The following SIRPB2 variants were observed in gnomAD, a reference collection of about 807,000 sequenced individuals.
SIRPB2 encodes signal regulatory protein beta 2, also known as signal-regulatory protein beta-2.
Under a neutral mutation model 27.1 loss-of-function variants are expected in SIRPB2, and 18 were observed. That is an observed-to-expected ratio of 0.66 (90% CI 0.46 to 0.98). The LOEUF (loss-of-function observed/expected upper bound fraction) is 0.98, where lower values mean the gene tolerates loss of function less well. Among genes scored for constraint, SIRPB2 ranks in the 50% least tolerant of loss-of-function variants. The pLI, the probability that SIRPB2 is intolerant of heterozygous loss-of-function variation, is 0.00. For synonymous variants in SIRPB2, 150 were observed against 164.6 expected, an observed-to-expected ratio of 0.91 and a Z score of 0.68; for missense variants, 420 against 417.4, an observed-to-expected ratio of 1.01 and a Z score of -0.06.
At chr20:1,476,589 T>C (rs1464548200) in intron 4 of SIRPB2, 1 of 483,016 alleles carries the variant, frequency 2.1e-6, no homozygotes, top group Admixed American at 6.4e-5. Flanking sequence ...CCTAATTGCC[T>C]AATGCAATCC....
intron 1 of SIRPB2, among the ~76,000 whole-genome samples, chr20:1,485,350 A>G (rs2090714446): frequency 1.3e-5 from 2 of 152,194 alleles, no homozygotes; most frequent in South Asian, 2.1e-4. Flanking sequence ...TATTACATGA[A>G]CCCCATAAAT....
At chr20:1,483,677 A>G (rs2090695917) in intron 1 of SIRPB2, among the ~76,000 whole-genome samples, 1 of 152,140 alleles carries the variant, frequency 6.6e-6, no homozygotes, top group African/African-American at 2.4e-5. Context: ...TCAAATGGGT[A>G]CTTTGTGAAT....
intron 1 of SIRPB2, among the ~76,000 whole-genome samples, chr20:1,486,875 C>T (rs2090732435): frequency 6.6e-6 from 1 of 152,138 alleles, no homozygotes; most frequent in Admixed American, 6.5e-5. Flanking sequence ...ACAACTCTAT[C>T]AAGCTTAGTG....
chr20:1,479,445 G>C, intron 2 of SIRPB2: 1 of 540,382 alleles, frequency 1.9e-6, no homozygotes, highest in Non-Finnish European at 3.3e-6. Context: ...GAAGAGTTGG[G>C]ACTGGGCTTC....
rs1362069979 is a variant in SIRPB2, at chr20:1,478,555, C to T, written c.504G>A (p.Val168=). 3 of 1,608,964 alleles carry T rather than the reference C, an allele frequency of 1.9e-6. No individual in the cohort carries two copies. The highest frequency in any genetic ancestry group is 2.7e-5 in the African/African-American group (2 of 74,792). ...AGACAGTGTCTCCAGTGGTCCCCAA[C>T]ACCAATTCCTGGGGCTGGATGATCC... ...DLWIIQPQEL[V]LGTTGDTVFL... The change falls in exon 3 of 5, where the codon GTG becomes GTA. Residue 168 remains valine (V), a synonymous_variant. Coordinates refer to ENST00000359801, the MANE Select transcript of SIRPB2 (RefSeq NM_001122962.2).
intron 1 of SIRPB2, among the ~76,000 whole-genome samples, chr20:1,490,878 A>G (rs2090770472): frequency 6.6e-6 from 1 of 152,156 alleles, no homozygotes; most frequent in African/African-American, 2.4e-5. Flanking sequence ...TTCATTTTGC[A>G]GTGGGTCTCA....
downstream of SIRPB2, among the ~76,000 whole-genome samples, chr20:1,472,247 C>T (rs2090582996): frequency 6.6e-6 from 1 of 152,190 alleles, no homozygotes; most frequent in Non-Finnish European, 1.5e-5. Context: ...CCATCCATTC[C>T]CCACCCTTTC....
At chr20:1,490,047 C>T (rs2090763697) in intron 1 of SIRPB2, among the ~76,000 whole-genome samples, 1 of 152,164 alleles carries the variant, frequency 6.6e-6, no homozygotes. Flanking sequence ...TAAGCAACTT[C>T]TCTTATTTTC....
chr20:1,476,989 GGGGCTCCATCCAGGA>G, intron 4 of SIRPB2: 4 of 1,239,616 alleles, frequency 3.2e-6, no homozygotes, highest in Non-Finnish European at 4.1e-6. Context: ...ACACTAGGAA[GGGGCTCCATCCAGGA>G]GGCTTAGCTA....
At chr20:1,485,653 C>CAGCA (rs1555799540) in intron 1 of SIRPB2, among the ~76,000 whole-genome samples, 2 of 147,086 alleles carry the variant, frequency 1.4e-5, no homozygotes, top group African/African-American at 5.0e-5. Flanking sequence ...CACACACACA[C>CAGCA]CACACACACA....
At chr20:1,473,594 T>C (rs1218305725), downstream of SIRPB2, among the ~76,000 whole-genome samples, 1 of 150,490 alleles carries the variant, frequency 6.6e-6, no homozygotes, top group Admixed American at 6.8e-5. Flanking sequence ...GATAGAGTGG[T>C]CCAGAGAGGC....
chr20:1,473,349 A>G (rs1339192666), downstream of SIRPB2: 2 of 152,294 alleles, frequency 1.3e-5, no homozygotes, highest in Non-Finnish European at 2.9e-5. Context: ...CAGATACACA[A>G]ACACACACGC....
intron 3 of SIRPB2, 108 bp from the exon 4 acceptor site, chr20:1,477,511 G>A: frequency 1.3e-6 from 2 of 1,514,632 alleles, no homozygotes; most frequent in Non-Finnish European, 1.8e-6. Flanking sequence ...TTTCTATGTG[G>A]GTATGGGCTA....
At chr20:1,477,435 C>G in intron 3 of SIRPB2, 32 bp from the exon 4 acceptor site, 1 of 1,583,920 alleles carries the variant, frequency 6.3e-7, no homozygotes, top group Non-Finnish European at 8.6e-7. Context: ...TCATACTTCC[C>G]TTTATCTTTA....
At chr20:1,477,094 T>C in intron 4 of SIRPB2, 1 of 1,474,036 alleles carries the variant, frequency 6.8e-7, no homozygotes. Flanking sequence ...GCTCACCACC[T>C]CTCAAACAAC....
chr20:1,475,770 G>A lies in SIRPB2; in HGVS notation c.*397C>T. The A allele has an allele frequency of 1.4e-5, 2 of 147,870 alleles. No individual in the cohort carries two copies. The highest frequency in any genetic ancestry group is 1.7e-4 in the South Asian group (1 of 5,838). 9.2% of individuals were successfully genotyped at this position (147,870 alleles called of 1,614,324 possible). On this transcript the variant is annotated 3_prime_UTR_variant, in exon 5 of 5. Transcript: ENST00000359801. The stretch of plus-strand genomic sequence containing the variant: ...AGGTGTAGATGGAGGGGCACAGATG[G>A]TCTGGCTGGTTGAGTTCAGAGATTC...
intron 1 of SIRPB2, among the ~76,000 whole-genome samples, chr20:1,489,156 A>C (rs2090754083): frequency 6.6e-6 from 1 of 152,220 alleles, no homozygotes; most frequent in South Asian, 2.1e-4. Flanking sequence ...AATGCAAACT[A>C]TAGTGACAGA....
chr20:1,487,577 A>C (rs1052483718), intron 1 of SIRPB2, among the ~76,000 whole-genome samples: 2 of 152,378 alleles, frequency 1.3e-5, no homozygotes, highest in African/African-American at 4.8e-5. Flanking sequence ...ACAAAGATAG[A>C]TAAACATATC....
chr20:1,486,500 T>C (rs968955328), intron 1 of SIRPB2, among the ~76,000 whole-genome samples: 2 of 152,180 alleles, frequency 1.3e-5, no homozygotes, highest in African/African-American at 4.8e-5. Context: ...CCGAAGCCTT[T>C]TCCTTTCGAG....
Sources: gnomAD v4.1 joint callset for allele counts (sites outside exome capture counted in the v4.1 genomes callset) on GRCh38, gnomAD v4.1.1 for gene constraint, MANE v1.5 for transcripts, NCBI Gene and HGNC (gene_info 2026-07-23, HGNC 2026-07-21) for gene names.